Variants in RAB10 observed in about 807,000 individuals in gnomAD.
The protein encoded by RAB10 is ras-related protein Rab-10.
Under a neutral mutation model 25.7 loss-of-function variants are expected in RAB10, and 5 were observed. That is an observed-to-expected ratio of 0.19 (90% confidence interval 0.10 to 0.41). RAB10 has a LOEUF of 0.41. Among genes scored for constraint, RAB10 ranks in the 10% least tolerant of loss-of-function variants. RAB10 has a pLI of 1.00. For synonymous variants in RAB10, 89 were observed against 86.4 expected (o/e 1.03, Z -0.16); for missense variants, 103 against 245.8 (o/e 0.42, Z 3.89).
intron 3 of RAB10, among the ~76,000 whole-genome samples, chr2:26,110,396 G>C (rs1476407867): frequency 1.3e-5 from 2 of 151,106 alleles, no homozygotes; most frequent in Non-Finnish European, 2.9e-5. Flanking sequence ...TAAGTTTTTG[G>C]ACAGTCTATC....
chr2:26,087,037 A>G (rs1317672235), intron 1 of RAB10, among the ~76,000 whole-genome samples: 3 of 152,146 alleles, frequency 2.0e-5, no homozygotes, highest in Admixed American at 1.3e-4. Flanking sequence ...TGTTGCAACT[A>G]TTTAGAGGTG....
At position 26,037,660 on chromosome 2, in the gene RAB10, A is replaced by G. The variant is rs144239814; in HGVS notation, c.127+2925A>G. On this transcript the variant is annotated intron_variant, in intron 1 of 5. Coordinates refer to ENST00000264710, the MANE Select transcript of RAB10 (RefSeq NM_016131.5). ...GTCTCAAAAAAAAAAAAAAGTGTCA[A>G]TCATAATATCTACCACATAGGGTAG... Among the ~76,000 whole-genome samples, 16 of 152,056 alleles carry G rather than the reference A, an allele frequency of 1.1e-4. No homozygotes were observed. The East Asian group carries it at 2.7e-3, about 26-fold the overall frequency.
intron 1 of RAB10, among the ~76,000 whole-genome samples, chr2:26,054,050 T>TTTTTC (rs1163639086): frequency 1.0e-4 from 15 of 147,146 alleles, no homozygotes; most frequent in African/African-American, 3.9e-4. Flanking sequence ...TTTTTTTTTT[T>TTTTTC]TTTTCCTGTT....
chr2:26,052,803 T>C (rs911475797), intron 1 of RAB10, among the ~76,000 whole-genome samples: 1 of 151,598 alleles, frequency 6.6e-6, no homozygotes, highest in Non-Finnish European at 1.5e-5. Flanking sequence ...AATGAGCCTT[T>C]AGACACCTGC....
intron 1 of RAB10, among the ~76,000 whole-genome samples, chr2:26,061,904 T>A (rs967540190): frequency 6.6e-6 from 1 of 151,958 alleles, no homozygotes; most frequent in Non-Finnish European, 1.5e-5. Flanking sequence ...AATTTTTTTT[T>A]ATACAGGCAG....
intron 1 of RAB10, among the ~76,000 whole-genome samples, chr2:26,068,086 C>T (rs1189928873): frequency 1.3e-5 from 2 of 152,022 alleles, no homozygotes; most frequent in Non-Finnish European, 2.9e-5. Context: ...AGAATGCTGT[C>T]CTGGGGAAAT....
rs988841408 is a variant in RAB10, at chr2:26,105,580, G to C, written c.189-4188G>C. On this transcript the variant is annotated intron_variant, in intron 2 of 5. Coordinates refer to ENST00000264710, the MANE Select transcript of RAB10 (RefSeq NM_016131.5). ...TGAGACAGGAGAATCACTTGAACCC[G>C]GGAGGTGGAGGATGCAGTATGCCGA... 2.7e-4 allele frequency among the ~76,000 whole-genome samples: 41 copies of C among 152,112 alleles called. 1 individual carries two copies. Among genetic ancestry groups the C allele is most frequent in the South Asian group, 4.1e-4 (2 of 4,820 alleles).
intron 1 of RAB10, among the ~76,000 whole-genome samples, chr2:26,090,698 C>A (rs769707310): frequency 6.6e-5 from 10 of 151,706 alleles, no homozygotes; most frequent in Non-Finnish European, 1.3e-4. Context: ...CTTTGGGAGA[C>A]CAAGGAGGGC....
chr2:26,037,675 A>G (rs558344264), intron 1 of RAB10, among the ~76,000 whole-genome samples: 54 of 151,938 alleles, frequency 3.6e-4, no homozygotes, highest in African/African-American at 1.2e-3. Flanking sequence ...AATATCTACC[A>G]CATAGGGTAG....
chr2:26,117,429 C>T (rs183977444), intron 3 of RAB10, among the ~76,000 whole-genome samples: 11 of 151,950 alleles, frequency 7.2e-5, no homozygotes, highest in African/African-American at 7.2e-5. Context: ...CTGGCTAACA[C>T]GGTGAAACCC....
At chr2:26,106,614 G>A (rs1015616922) in intron 2 of RAB10, among the ~76,000 whole-genome samples, 30 of 152,188 alleles carry the variant, frequency 2.0e-4, no homozygotes, top group Non-Finnish European at 2.4e-4. Context: ...GGCCGGGCAC[G>A]GTGGCTCACG....
intron 1 of RAB10, 76 bp from the exon 2 acceptor site, chr2:26,098,586 G>A (rs531696465): frequency 2.0e-5 from 22 of 1,100,528 alleles, no homozygotes; most frequent in Admixed American, 1.8e-4. Flanking sequence ...AGGTGTGAGC[G>A]TTTTTACTGT....
In RAB10 at chr2:26,061,404, ACTGTGCCCAGCC is replaced by A. The variant is rs1350092493; in HGVS notation, c.127+26674_127+26685del. On this transcript the variant is annotated intron_variant, in intron 1 of 5. Coordinates refer to ENST00000264710, the MANE Select transcript of RAB10 (RefSeq NM_016131.5). ...AGTGCTGGGATTACATGTGTGAGCC[ACTGTGCCCAGCC>A]CTGTTTTCCTTTGAGAGACAGGGTC... Among the ~76,000 whole-genome samples the A allele has an allele frequency of 2.6e-5, 4 of 152,062 alleles. No homozygotes were observed. In the East Asian group the frequency reaches 7.8e-4, roughly 30 times the overall value.
At chr2:26,099,012 G>A (rs1028238190) in intron 2 of RAB10, among the ~76,000 whole-genome samples, 1 of 152,168 alleles carries the variant, frequency 6.6e-6, no homozygotes, top group Non-Finnish European at 1.5e-5. Context: ...ATTGTTACAA[G>A]GATTACATGA....
At chr2:26,111,613 A>G (rs1667574025) in intron 3 of RAB10, among the ~76,000 whole-genome samples, 1 of 152,168 alleles carries the variant, frequency 6.6e-6, no homozygotes, top group Non-Finnish European at 1.5e-5. Flanking sequence ...TCTCAAAAAA[A>G]AAAAAAAATA....
intron 3 of RAB10, among the ~76,000 whole-genome samples, chr2:26,125,380 ATTGT>A (rs948824979): frequency 9.2e-5 from 13 of 141,692 alleles, no homozygotes; most frequent in Non-Finnish European, 1.8e-4. Context: ...TCATGTGCAT[ATTGT>A]TTGTTTGTAT....
At chr2:26,069,555 A>G (rs1338477212) in intron 1 of RAB10, among the ~76,000 whole-genome samples, 2 of 151,882 alleles carry the variant, frequency 1.3e-5, no homozygotes, top group East Asian at 2.0e-4. Context: ...AATCCCAGCA[A>G]CTTGGGAGGC....
At chr2:26,041,836 G>A (rs1336590816) in intron 1 of RAB10, among the ~76,000 whole-genome samples, 1 of 152,110 alleles carries the variant, frequency 6.6e-6, no homozygotes, top group Non-Finnish European at 1.5e-5. Context: ...CCAGGGAGGC[G>A]GAGGTTGCGG....
chr2:26,052,840 G>C (rs111245262), intron 1 of RAB10, among the ~76,000 whole-genome samples: 5 of 152,084 alleles, frequency 3.3e-5, no homozygotes, highest in African/African-American at 1.2e-4. Flanking sequence ...GACAATATTG[G>C]TATATGAGAT....
Sources: gnomAD v4.1 joint callset for allele counts (sites outside exome capture counted in the v4.1 genomes callset) on GRCh38, gnomAD v4.1.1 for gene constraint, MANE v1.5 for transcripts, NCBI Gene and HGNC (gene_info 2026-07-23, HGNC 2026-07-21) for gene names.